DNAH7: variants seen among roughly 807,000 people sequenced by gnomAD.
DNAH7 encodes the protein dynein axonemal heavy chain 7, also known as axonemal beta dynein heavy chain 7.
Under a neutral mutation model 444.6 loss-of-function variants are expected in DNAH7, and 397 were observed. The ratio of observed to expected loss-of-function variants is 0.89; its 90% CI spans 0.82 to 0.97. The LOEUF is 0.97. Among genes scored for constraint, DNAH7 ranks in the 50% least tolerant of loss-of-function variants. DNAH7 has a pLI of 0.00. For synonymous variants in DNAH7, 1,636 were observed against 1,624.4 expected, an observed-to-expected ratio of 1.01 and a Z score of -0.17; for missense variants, 4,902 against 4,800.8, an observed-to-expected ratio of 1.02 and a Z score of -0.62.
rs1009901859 is a variant in DNAH7, at chr2:195,839,390, T to TATAG, written c.8946-5034_8946-5031dup. Among the ~76,000 whole-genome samples the TATAG allele has an allele frequency of 1.2e-3, 189 of 151,862 alleles. 2 individuals carry two copies. The highest frequency in any genetic ancestry group is 4.5e-3 in the African/African-American group (185 of 41,544). On this transcript the variant is annotated intron_variant, in intron 47 of 64. Transcript: ENST00000312428. ...CTAAAGCAATACTTAATGTGAAACA[T>TATAG]ATAGCATTAAGTCCATGGATTAGAA...
intron 5 of DNAH7, among the ~76,000 whole-genome samples, chr2:196,040,845 T>C (rs919743790): frequency 2.6e-5 from 4 of 152,074 alleles, no homozygotes; most frequent in African/African-American, 4.8e-5. Flanking sequence ...CAAAAATTGT[T>C]AGAACTGATA....
chr2:195,768,131 A>C lies in DNAH7; in HGVS notation c.11433+3529T>G, dbSNP rs570351640. 5.4e-5 allele frequency among the ~76,000 whole-genome samples: 8 copies of C among 149,256 alleles called. No individual in the cohort carries two copies. The South Asian group carries it at 1.3e-3, about 23-fold the overall frequency. On this transcript the variant is annotated intron_variant, in intron 61 of 64. Coordinates refer to ENST00000312428, the MANE Select transcript of DNAH7 (RefSeq NM_018897.3). Reference sequence around the variant, plus strand: ...GGGGTATAAGCAAGCATTATTCTCAAATAATTCAGAAAACACTTATATATG... The same window carrying C: ...GGGGTATAAGCAAGCATTATTCTCACATAATTCAGAAAACACTTATATATG...
chr2:195,998,846 A>G, intron 12 of DNAH7: 1 of 384,670 alleles, frequency 2.6e-6, no homozygotes, highest in Non-Finnish European at 4.6e-6. Context: ...ATGCCAGGAT[A>G]ATAAAGCTGA....
intron 20 of DNAH7, among the ~76,000 whole-genome samples, chr2:195,936,008 T>C (rs1244860517): frequency 6.6e-6 from 1 of 152,188 alleles, no homozygotes; most frequent in Admixed American, 6.5e-5. Context: ...CAAACCATCA[T>C]GAGAGCAGTG....
intron 21 of DNAH7, among the ~76,000 whole-genome samples, chr2:195,931,803 C>T (rs1175853130): frequency 6.6e-6 from 1 of 152,140 alleles, no homozygotes; most frequent in East Asian, 1.9e-4. Flanking sequence ...GGTAACAGTG[C>T]CATGCTGTTT....
At chr2:195,944,531 G>A (rs1236305114) in intron 19 of DNAH7, among the ~76,000 whole-genome samples, 5 of 152,150 alleles carry the variant, frequency 3.3e-5, no homozygotes, top group Non-Finnish European at 1.5e-5. Flanking sequence ...TCTGGCAAGT[G>A]AGGCTAAACA....
At chr2:195,976,349 G>A (rs907061925) in intron 15 of DNAH7, among the ~76,000 whole-genome samples, 3 of 152,200 alleles carry the variant, frequency 2.0e-5, no homozygotes, top group Non-Finnish European at 2.9e-5. Flanking sequence ...CTTATCAAAA[G>A]GGGAGGGAAG....
intron 64 of DNAH7, 128 bp downstream of exon 64, chr2:195,740,637 AT>A: frequency 1.0e-5 from 1 of 99,734 alleles, no homozygotes; most frequent in Non-Finnish European, 1.9e-5. Flanking sequence ...ATATATATAT[AT>A]ATATATACAT....
intron 35 of DNAH7, 136 bp downstream of exon 35, chr2:195,884,449 G>GC (rs1157234557): frequency 3.0e-6 from 2 of 660,416 alleles, no homozygotes; most frequent in Non-Finnish European, 5.2e-6. Context: ...TCAAGCCAGT[G>GC]CATCTTCCTC....
rs1368730637 is a variant in DNAH7 at position 195,847,000 on chromosome 2, C to T, written c.8782-1835G>A. ...GTGTGTGTATCCTATCAGTTCTGCC[C>T]TTTTAGAGAATCCTATTAGTTCTGT... is the stretch of plus-strand genomic sequence containing the variant. On this transcript the variant is annotated intron_variant, in intron 46 of 64. Coordinates refer to ENST00000312428, the MANE Select transcript of DNAH7 (RefSeq NM_018897.3). 2.1e-5 allele frequency among the ~76,000 whole-genome samples: 3 copies of T among 139,754 alleles called. No homozygotes were observed. In the East Asian group the frequency reaches 5.9e-4, roughly 28 times the overall value. The allele number at this position is 139,754 out of a possible 152,430, so 91.7% of individuals were successfully genotyped here. A position where few individuals can be genotyped will look rare whatever the true frequency, so the allele number is the denominator to read the frequency against.
chr2:195,888,490 A>T, intron 32 of DNAH7, 56 bp from the exon 33 acceptor site: 1 of 1,496,140 alleles, frequency 6.7e-7, no homozygotes, highest in Non-Finnish European at 8.9e-7. Context: ...AATAAATATG[A>T]TTTGGCACCT....
rs1237352736 is a variant in DNAH7 at position 195,910,085 on chromosome 2, C to T, written c.4046G>A (p.Cys1349Tyr). The part of the protein sequence containing the change: ...KDLAKAVAKQ[C>Y]VVFNCSDGLD... ...CCCATCAGAGCAGTTGAAAACAACA[C>T]ATTGTTTGGCTACAGCTTTTGCCAA... is the stretch of plus-strand genomic sequence containing the variant. Residue 1349 changes from cysteine (C) to tyrosine (Y), a missense_variant, in exon 25 of 65, where the codon TGT becomes TAT. Physicochemically the swap from Cys to Tyr is radical, Grantham distance 194. Transcript: ENST00000312428. 2 of 1,613,798 alleles carry T rather than the reference C, an allele frequency of 1.2e-6. No homozygotes were observed. Among genetic ancestry groups the T allele is most frequent in the African/African-American group, 1.3e-5 (1 of 74,912 alleles).
At chr2:195,873,025 C>T (rs982598560) in intron 39 of DNAH7, among the ~76,000 whole-genome samples, 1 of 152,116 alleles carries the variant, frequency 6.6e-6, no homozygotes, top group Non-Finnish European at 1.5e-5. Context: ...GAAAGATTGC[C>T]TATATTTAAC....
intron 63 of DNAH7, among the ~76,000 whole-genome samples, chr2:195,752,949 T>C (rs1693872822): frequency 6.6e-6 from 1 of 152,204 alleles, no homozygotes; most frequent in Non-Finnish European, 1.5e-5. Flanking sequence ...AATTTTGCTA[T>C]ACTGGTGAGC....
At chr2:195,910,502 T>C (rs1687294006) in intron 24 of DNAH7, among the ~76,000 whole-genome samples, 1 of 152,134 alleles carries the variant, frequency 6.6e-6, no homozygotes, top group Non-Finnish European at 1.5e-5. Flanking sequence ...ACTGTAAGCA[T>C]ATGGAAATGT....
chr2:195,934,280 G>C (rs1688898976), intron 21 of DNAH7, among the ~76,000 whole-genome samples: 1 of 152,162 alleles, frequency 6.6e-6, no homozygotes, highest in African/African-American at 2.4e-5. Flanking sequence ...ACTAAAGAGA[G>C]ACTGCATAGA....
At position 195,960,787 on chromosome 2, in the gene DNAH7, A is replaced by T; in HGVS notation, c.2364T>A (p.Tyr788Ter). The change falls in exon 18 of 65, where the codon TAT becomes TAA. Residue 788 changes from tyrosine to a stop codon, truncating the protein, a stop_gained. Coordinates refer to ENST00000312428, the MANE Select transcript of DNAH7 (RefSeq NM_018897.3). LOFTEE classifies it high-confidence loss of function. ...SNYRAWTEGP[Y>*]HKVNPDQVEA... is the part of the protein sequence containing the mutation. ...CTACTTGGTCTGGATTCACTTTATG[A>T]TATGGCCCTTCTGTCCATGCTCTAT... 1 of 1,614,136 alleles carries T rather than the reference A, an allele frequency of 6.2e-7. No individual in the cohort carries two copies.
rs141877600 is a variant in DNAH7, at chr2:195,921,051, A to G, written c.3935+1037T>C. ...TTCCTGAAGAATGGTCATAATTTAA[A>G]AATAAAAAAATAGATGTCAGTGTGG... On this transcript the variant is annotated intron_variant, in intron 24 of 64. Coordinates refer to ENST00000312428, the MANE Select transcript of DNAH7 (RefSeq NM_018897.3). Among the ~76,000 whole-genome samples, 74 of 152,316 alleles carry G rather than the reference A, an allele frequency of 4.9e-4. 1 individual carries two copies. Among genetic ancestry groups the G allele is most frequent in the Admixed American group, 1.3e-3 (20 of 15,310 alleles).
At chr2:195,794,276 T>C (rs1696029414) in intron 57 of DNAH7, 62 bp downstream of exon 57, 2 of 1,529,334 alleles carry the variant, frequency 1.3e-6, no homozygotes, top group East Asian at 4.5e-5. Flanking sequence ...ACATCCATGA[T>C]CACCAGGGGC....
Sources: gnomAD v4.1 joint callset for allele counts (sites outside exome capture counted in the v4.1 genomes callset) on GRCh38, gnomAD v4.1.1 for gene constraint, MANE v1.5 for transcripts, NCBI Gene and HGNC (gene_info 2026-07-23, HGNC 2026-07-21) for gene names.